PDE12: variants seen among roughly 807,000 people sequenced by gnomAD.
PDE12 encodes the protein phosphodiesterase 12, also known as 2',5'-phosphodiesterase 12.
Under a neutral mutation model 45.4 loss-of-function variants are expected in PDE12, and 26 were observed. The observed-to-expected ratio is 0.57, with a 90% CI of 0.42 to 0.79. The LOEUF is 0.79. PDE12 is among the 30% of genes least tolerant of loss of function. The probability of loss-of-function intolerance (pLI) is 0.00; values close to 1 mark genes in which losing one functional copy is unlikely to be tolerated. For synonymous variants in PDE12, 283 were observed against 323.9 expected (o/e 0.87, Z 1.36); for missense variants, 668 against 790.0 (o/e 0.85, Z 1.85).
the PDE12 span, among the ~76,000 whole-genome samples, chr3:57,634,230 C>A: frequency 6.6e-6 from 1 of 151,636 alleles, no homozygotes; most frequent in Non-Finnish European, 1.5e-5. Flanking sequence ...GCCAGGAGTT[C>A]GAGACCAGCC....
At chr3:57,584,238 C>T in the PDE12 span, 1 of 852,158 alleles carries the variant, frequency 1.2e-6, no homozygotes, top group African/African-American at 1.7e-5. Context: ...GCTGGGATTA[C>T]AGGCATGAGC....
At chr3:57,601,635 A>T in the PDE12 span, among the ~76,000 whole-genome samples, 16 of 151,910 alleles carry the variant, frequency 1.1e-4, no homozygotes, top group Non-Finnish European at 2.4e-4. Flanking sequence ...CCTGGAACCA[A>T]TCTCCCCAAA....
chr3:57,629,285 G>A, the PDE12 span, among the ~76,000 whole-genome samples: 4 of 152,024 alleles, frequency 2.6e-5, no homozygotes, highest in Non-Finnish European at 5.9e-5. Flanking sequence ...TCGTGTTTTC[G>A]GATATGCTCT....
the PDE12 span, among the ~76,000 whole-genome samples, chr3:57,584,780 A>T: frequency 6.6e-6 from 1 of 151,654 alleles, no homozygotes; most frequent in South Asian, 2.1e-4. Flanking sequence ...CAGAGAAATT[A>T]GCCATAAATA....
the PDE12 span, among the ~76,000 whole-genome samples, chr3:57,613,438 C>T: frequency 5.3e-5 from 8 of 151,556 alleles, no homozygotes; most frequent in African/African-American, 1.9e-4. Flanking sequence ...CGATTACAAG[C>T]GCCTGCCACC....
the PDE12 span, chr3:57,633,200 G>A: frequency 3.6e-6 from 5 of 1,372,846 alleles, no homozygotes; most frequent in Non-Finnish European, 5.1e-6. Flanking sequence ...TTGGAGGGCG[G>A]GAAAAACATT....
downstream of PDE12, among the ~76,000 whole-genome samples, chr3:57,569,597 C>T (rs988272848): frequency 3.9e-5 from 6 of 151,996 alleles, no homozygotes; most frequent in Non-Finnish European, 5.9e-5. Flanking sequence ...CTCAGGTGAT[C>T]CACCTGCCTC....
At chr3:57,636,553 G>A in the PDE12 span, among the ~76,000 whole-genome samples, 3,531 of 152,192 alleles carry the variant, frequency 0.023, 65 homozygotes, top group Middle Eastern at 0.044. Flanking sequence ...AAGATACTAC[G>A]GAGACACAGA....
the PDE12 span, among the ~76,000 whole-genome samples, chr3:57,649,530 T>TAAA: frequency 5.0e-5 from 7 of 139,152 alleles, no homozygotes; most frequent in South Asian, 6.7e-4. Flanking sequence ...AAGGAAGTCA[T>TAAA]AAAAAAAAAA....
At chr3:57,605,397 C>T in the PDE12 span, among the ~76,000 whole-genome samples, 2 of 152,048 alleles carry the variant, frequency 1.3e-5, no homozygotes, top group Admixed American at 1.3e-4. Context: ...AAACATTGTC[C>T]AGGGTTGGTT....
At position 57,557,093 on chromosome 3, in the gene PDE12, C is replaced by T. The variant is rs1250396257; in HGVS notation, c.714C>T (p.Ser238=). The change falls in exon 1 of 3, where the codon TCC becomes TCT. Residue 238 remains serine (S), a synonymous_variant. Coordinates refer to ENST00000311180, the MANE Select transcript of PDE12 (RefSeq NM_177966.7). ...TDVEERVYTP[S]NADIGLRLKL... is the part of the protein sequence containing the mutation. ...TGGAGGAGCGTGTCTACACCCCGTC[C>T]AATGCCGACATCGGGCTAAGGCTCA... is the stretch of plus-strand genomic sequence containing the variant. 6.2e-7 allele frequency: 1 copy of T among 1,614,048 alleles called. No homozygotes were observed. Among genetic ancestry groups the T allele is most frequent in the South Asian group, 1.1e-5 (1 of 91,080 alleles).
chr3:57,579,193 G>A, the PDE12 span, among the ~76,000 whole-genome samples: 5 of 135,988 alleles, frequency 3.7e-5, no homozygotes, highest in Admixed American at 1.6e-4. Flanking sequence ...GGCGGAGGCT[G>A]CAGTGAGCCG....
chr3:57,631,086 G>A, the PDE12 span: 3 of 907,848 alleles, frequency 3.3e-6, no homozygotes, highest in Non-Finnish European at 5.1e-6. Context: ...CCCTTTCAAT[G>A]GACAGCAACA....
chr3:57,616,745 T>C, the PDE12 span, among the ~76,000 whole-genome samples: 3 of 152,004 alleles, frequency 2.0e-5, no homozygotes, highest in Non-Finnish European at 2.9e-5. Context: ...ACAAACCAGC[T>C]GGGTGTGGTG....
In PDE12 at chr3:57,560,589, G is replaced by C; in HGVS notation, c.*585G>C. ...GATCCACCCACCTCGGCCTCCCAAA[G>C]TGTTGGGATTACAGGCGTGAGCCAC... is the stretch of plus-strand genomic sequence containing the variant. On this transcript the variant is annotated 3_prime_UTR_variant, in exon 3 of 3. Transcript: ENST00000311180. The C allele has an allele frequency of 1.1e-6, 1 of 911,970 alleles. No individual in the cohort carries two copies. The highest frequency in any genetic ancestry group is 1.3e-6 in the Non-Finnish European group (1 of 763,066). The allele number at this position is 911,970 out of a possible 1,614,324, so 56.5% of individuals were successfully genotyped here.
the PDE12 span, among the ~76,000 whole-genome samples, chr3:57,655,525 T>C: frequency 6.6e-6 from 1 of 152,320 alleles, no homozygotes; most frequent in East Asian, 1.9e-4. Context: ...TTTTGAGCAT[T>C]GACATGATGC....
the PDE12 span, among the ~76,000 whole-genome samples, chr3:57,581,991 A>G: frequency 6.6e-6 from 1 of 152,182 alleles, no homozygotes; most frequent in South Asian, 2.1e-4. Flanking sequence ...CACCAACATA[A>G]CAAAGAAAAA....
the PDE12 span, among the ~76,000 whole-genome samples, chr3:57,637,542 T>TACTGA: frequency 1.3e-5 from 2 of 152,124 alleles, no homozygotes; most frequent in African/African-American, 2.4e-5. Flanking sequence ...ATTTTTTTTT[T>TACTGA]CCTTGTAGAA....
rs574041578 is a variant in PDE12, at chr3:57,559,875, A to C, written c.1701A>C (p.Leu567Phe). 1 of 1,614,154 alleles carries C rather than the reference A, an allele frequency of 6.2e-7. No individual in the cohort carries two copies. Among genetic ancestry groups the C allele is most frequent in the Non-Finnish European group, 8.5e-7 (1 of 1,180,026 alleles). ...GTCTAGATTACATTTTCATTGACTT[A>C]AATGCTTTAGAGGTTGAACAGGTGA... ...HGCLDYIFID[L>F]NALEVEQVIP... is the part of the protein sequence containing the mutation. Residue 567 changes from leucine (L) to phenylalanine (F), a missense_variant, in exon 3 of 3, where the codon TTA (leucine) becomes TTC (phenylalanine). Leu to Phe is a conservative substitution (Grantham distance 22, BLOSUM62 0). Transcript: ENST00000311180.
Sources: gnomAD v4.1 joint callset for allele counts (sites outside exome capture counted in the v4.1 genomes callset) on GRCh38, gnomAD v4.1.1 for gene constraint, MANE v1.5 for transcripts, NCBI Gene and HGNC (gene_info 2026-07-23, HGNC 2026-07-21) for gene names.